NUP188: variants seen among roughly 807,000 people sequenced by gnomAD.
NUP188 encodes nucleoporin 188.
In NUP188, 97 loss-of-function variants were observed where a neutral mutation model predicts 223.0. The observed-to-expected ratio is 0.43, with a 90% CI of 0.37 to 0.51. NUP188 has a LOEUF of 0.51. NUP188 is among the 20% of genes least tolerant of loss of function. The pLI is 0.00. For missense variants in NUP188, 1,947 were observed against 2,175.6 expected, an observed-to-expected ratio of 0.89 and a Z score of 2.09; for synonymous variants, 869 against 828.0, an observed-to-expected ratio of 1.05 and a Z score of -0.85.
At chr9:128,983,685 G>T in intron 19 of NUP188, 135 bp downstream of exon 19, 1 of 686,236 alleles carries the variant, frequency 1.5e-6, no homozygotes, top group Non-Finnish European at 2.5e-6. Context: ...TCACTCTGTT[G>T]CCCAGGCTGG....
chr9:128,963,895 CA>C (rs1841991389), intron 8 of NUP188, among the ~76,000 whole-genome samples: 1 of 151,788 alleles, frequency 6.6e-6, no homozygotes, highest in Non-Finnish European at 1.5e-5. Flanking sequence ...TGGCTCACTG[CA>C]ACCTCTGCCT....
rs574409840 is a variant in NUP188, at chr9:128,982,109, G to T, written c.1517-440G>T. ...AAAAAGACACTTGTCTACATGACAA[G>T]AACTTTTTTGTGTATTTTAGTTGAA... On this transcript the variant is annotated intron_variant, in intron 15 of 43. Coordinates refer to ENST00000372577, the MANE Select transcript of NUP188 (RefSeq NM_015354.3). 3.3e-5 allele frequency among the ~76,000 whole-genome samples: 5 copies of T among 150,636 alleles called. No homozygotes were observed. In the South Asian group the frequency reaches 1.0e-3, roughly 32 times the overall value.
chr9:128,991,798 ACAC>A (rs2131175984), intron 25 of NUP188, among the ~76,000 whole-genome samples: 1 of 150,082 alleles, frequency 6.7e-6, no homozygotes, highest in East Asian at 2.0e-4. Context: ...AGCCGAGTTC[ACAC>A]CACTGTGCTC....
chr9:128,956,391 C>T lies in NUP188; in HGVS notation c.203C>T (p.Ala68Val). ...AAAGTGAAAGCTAATAAAGATGTAG[C>T]TTCACCATTGAAGGAACTGGGTTTA... ...AEKVKANKDV[A>V]SPLKELGLRI... Residue 68 changes from alanine to valine, a missense_variant, in exon 4 of 44, where the codon GCT becomes GTT. Physicochemically the swap from Ala to Val is moderately conservative, Grantham distance 64. This residue lies in a region of NUP188 where 817 missense variants were observed against 865.8 expected (regional missense o/e 0.94). Transcript: ENST00000372577. The T allele has an allele frequency of 6.3e-7, 1 of 1,580,790 alleles. No individual in the cohort carries two copies. Among genetic ancestry groups the T allele is most frequent in the Non-Finnish European group, 8.6e-7 (1 of 1,167,122 alleles).
chr9:128,974,143 C>T (rs563111448), intron 12 of NUP188, among the ~76,000 whole-genome samples: 12 of 151,992 alleles, frequency 7.9e-5, no homozygotes, highest in African/African-American at 2.4e-4. Context: ...CTCCTGACCT[C>T]GTGATCCACC....
intron 12 of NUP188, among the ~76,000 whole-genome samples, chr9:128,975,511 C>T (rs540754345): frequency 4.7e-5 from 7 of 148,822 alleles, no homozygotes; most frequent in Admixed American, 1.3e-4. Context: ...CGTGAGCCAC[C>T]GCGCCTGGCC....
At chr9:128,996,853 T>C (rs1588289880) in intron 30 of NUP188, among the ~76,000 whole-genome samples, 2 of 152,112 alleles carry the variant, frequency 1.3e-5, no homozygotes, top group Admixed American at 1.3e-4. Context: ...GAAAGAAACC[T>C]AAGTCCAGGA....
rs560474043 is a variant in NUP188, at chr9:128,957,706, C to T, written c.328-304C>T. ...GTCTCAATCTCCTGACCTCGTGATCCCCCCGCCTCAGCCTCCCAAAGTACT... is the reference window on the plus strand; with the variant it reads ...GTCTCAATCTCCTGACCTCGTGATCTCCCCGCCTCAGCCTCCCAAAGTACT... On this transcript the variant is annotated intron_variant, in intron 5 of 43. Transcript: ENST00000372577. 9.9e-5 allele frequency among the ~76,000 whole-genome samples: 15 copies of T among 152,160 alleles called. No homozygotes were observed. In the South Asian group the frequency reaches 2.7e-3, roughly 27 times the overall value.
intron 27 of NUP188, 39 bp from the exon 28 acceptor site, chr9:128,994,334 G>A: frequency 7.0e-7 from 1 of 1,425,338 alleles, no homozygotes; most frequent in East Asian, 2.3e-5. Flanking sequence ...ACTGTGAGAG[G>A]GAAAAAGTTA....
intron 38 of NUP188, 34 bp downstream of exon 38, chr9:129,003,488 G>C (rs991614140): frequency 6.2e-7 from 1 of 1,602,522 alleles, no homozygotes; most frequent in East Asian, 2.2e-5. Context: ...GGAGTCTGGG[G>C]TAATGCTTGG....
Position 128,998,361 on chromosome 9 carries a change from G to A in NUP188, c.3429+133G>A, listed in dbSNP as rs1167820021. On this transcript the variant is annotated intron_variant, in intron 31 of 43. Coordinates refer to ENST00000372577, the MANE Select transcript of NUP188 (RefSeq NM_015354.3). ...GGGCTCACGTTGGCCTGGGAGGCCT[G>A]AGACTGTAGTGGGTCAGCAGAGCTC... 8.4e-5 allele frequency: 86 copies of A among 1,020,536 alleles called. No individual in the cohort carries two copies. The East Asian group carries it at 2.0e-3, about 24-fold the overall frequency. The allele number at this position is 1,020,536 out of a possible 1,614,324, so 63.2% of individuals were successfully genotyped here. A position where few individuals can be genotyped will look rare whatever the true frequency, so the allele number is the denominator to read the frequency against.
intron 12 of NUP188, among the ~76,000 whole-genome samples, chr9:128,973,600 C>T (rs1168457639): frequency 6.6e-6 from 1 of 152,188 alleles, no homozygotes; most frequent in Non-Finnish European, 1.5e-5. Flanking sequence ...CCAGGCTGGT[C>T]TTAAACTCCT....
intron 8 of NUP188, among the ~76,000 whole-genome samples, chr9:128,959,527 C>CTTTTTT (rs1303364478): frequency 3.2e-5 from 4 of 123,898 alleles, no homozygotes; most frequent in South Asian, 2.6e-4. Context: ...TACAGATTAT[C>CTTTTTT]TTTTTTTTTT....
intron 12 of NUP188, among the ~76,000 whole-genome samples, chr9:128,974,876 A>G (rs545593715): frequency 6.6e-6 from 1 of 151,166 alleles, no homozygotes; most frequent in South Asian, 2.1e-4. Flanking sequence ...CATTCACCTT[A>G]ACCTCCTGAG....
chr9:128,985,514 CTGACATAGAGCATAAATAA>C lies in NUP188; in HGVS notation c.2076+518_2076+536del, dbSNP rs1042870682. On this transcript the variant is annotated intron_variant, in intron 20 of 43. Coordinates refer to ENST00000372577, the MANE Select transcript of NUP188 (RefSeq NM_015354.3). ...GGGTTACAACTCGGTTTGAAAAATACTGACATAGAGCATAAATAATGACATAGAGCATAAATTTTGGAGT... is the reference window on the plus strand; with the variant it reads ...GGGTTACAACTCGGTTTGAAAAATACTGACATAGAGCATAAATTTTGGAGT... 3.3e-5 allele frequency among the ~76,000 whole-genome samples: 5 copies of C among 152,246 alleles called. No homozygotes were observed. In the East Asian group the frequency reaches 7.7e-4, roughly 24 times the overall value.
At chr9:128,954,973 C>T (rs193082881) in intron 3 of NUP188, among the ~76,000 whole-genome samples, 2 of 152,064 alleles carry the variant, frequency 1.3e-5, no homozygotes, top group Admixed American at 6.5e-5. Flanking sequence ...GTCTCAGCCT[C>T]CCGAGTAGCT....
intron 1 of NUP188, chr9:128,948,030 C>T (rs1034503927): frequency 5.2e-5 from 18 of 343,420 alleles, no homozygotes; most frequent in African/African-American, 2.5e-4. Flanking sequence ...TCCTCTCTCA[C>T]CTCCGACGCG....
intron 26 of NUP188, 26 bp downstream of exon 26, chr9:128,993,429 T>C (rs1842464214): frequency 6.2e-7 from 1 of 1,612,954 alleles, no homozygotes; most frequent in African/African-American, 1.3e-5. Context: ...GGGATGACAC[T>C]GGGAGTTGGC....
Position 128,956,956 on chromosome 9 carries a change from T to C in NUP188, c.251T>C (p.Leu84Pro). The stretch of plus-strand genomic sequence containing the variant: ...CTTAAAATCTCTGTGTTTCAGGGTC[T>C]TGATGAAGAACAGAGTGTGCAGTTA... Reference protein sequence around the residue: ...LGLRISKFLGLDEEQSVQLLQ... With the variant: ...LGLRISKFLGPDEEQSVQLLQ... Residue 84 changes from leucine to proline, a missense_variant, in exon 5 of 44, where the codon CTT (leucine) becomes CCT (proline). Around this residue, in one of 3 missense-constraint regions of NUP188, gnomAD observed 817 missense variants for 865.8 expected, o/e 0.94. Transcript: ENST00000372577. The C allele has an allele frequency of 1.9e-6, 3 of 1,608,410 alleles. No homozygotes were observed. The highest frequency in any genetic ancestry group is 2.5e-6 in the Non-Finnish European group (3 of 1,176,772).
Sources: gnomAD v4.1 joint callset for allele counts (sites outside exome capture counted in the v4.1 genomes callset) on GRCh38, gnomAD v4.1.1 for gene constraint, gnomAD v4.1.1 regional missense constraint, MANE v1.5 for transcripts, NCBI Gene and HGNC (gene_info 2026-07-23, HGNC 2026-07-21) for gene names.